The following CYLD variants were observed in gnomAD, a reference collection of about 807,000 sequenced individuals.
The protein encoded by CYLD is ubiquitin carboxyl-terminal hydrolase CYLD.
In CYLD, 26 loss-of-function variants were observed where a neutral mutation model predicts 104.5. The ratio of observed to expected loss-of-function variants is 0.25; its 90% confidence interval spans 0.18 to 0.35. The LOEUF (loss-of-function observed/expected upper bound fraction) is 0.35, where lower values mean the gene tolerates loss of function less well. CYLD is among the 10% of genes least tolerant of loss of function. CYLD has a pLI of 1.00. For missense variants in CYLD, 703 were observed against 1,136.1 expected (o/e 0.62, Z 5.48); for synonymous variants, 385 against 399.9 (o/e 0.96, Z 0.45).
In CYLD at chr16:50,754,280, C is replaced by A. The variant is rs183213172; in HGVS notation, c.808-39C>A. ...AATACAGACTTCCACATTTACATTTCATTGAGGAGGATTTTAATGTTTATT... is the reference window on the plus strand; with the variant it reads ...AATACAGACTTCCACATTTACATTTAATTGAGGAGGATTTTAATGTTTATT... On this transcript the variant is annotated intron_variant, in intron 4 of 18. Coordinates refer to ENST00000427738, the MANE Select transcript of CYLD (RefSeq NM_001378743.1). 4 of 1,301,282 alleles carry A rather than the reference C, an allele frequency of 3.1e-6. No individual in the cohort carries two copies. The East Asian group carries it at 9.3e-5, about 30-fold the overall frequency. The allele number at this position is 1,301,282 out of a possible 1,614,324, so 80.6% of individuals were successfully genotyped here.
At chr16:50,758,793 C>T (rs11862720) in intron 5 of CYLD, among the ~76,000 whole-genome samples, 1 of 151,748 alleles carries the variant, frequency 6.6e-6, no homozygotes, top group African/African-American at 2.4e-5. Flanking sequence ...GAGCATGCGT[C>T]GGGGAGTGGG....
rs1435788043 is a variant in CYLD, at chr16:50,751,601, T to C, written c.505-3T>C. ...TTTCTTTCCCTTCTCTCTTAAAAAC[T>C]AGGAAGAAGGTCGTGGTCAAGGTTT... On this transcript the variant is annotated splice_region_variant and splice_polypyrimidine_tract_variant and intron_variant, in intron 3 of 18. Coordinates refer to ENST00000427738, the MANE Select transcript of CYLD (RefSeq NM_001378743.1). 6.2e-7 allele frequency: 1 copy of C among 1,613,222 alleles called. No individual in the cohort carries two copies. Among genetic ancestry groups the C allele is most frequent in the African/African-American group, 1.3e-5 (1 of 75,000 alleles).
chr16:50,755,106 CACACAT>C (rs1966982721), intron 5 of CYLD, among the ~76,000 whole-genome samples: 2 of 41,382 alleles, frequency 4.8e-5, no homozygotes, highest in South Asian at 5.2e-4. Flanking sequence ...TACATATATA[CACACAT>C]ATACACATGT....
In CYLD at chr16:50,751,979, AACATATATATACAC is replaced by A. The variant is rs11271535; in HGVS notation, c.807+98_807+111del. 144,020 of 340,072 alleles carry A rather than the reference AACATATATATACAC, an allele frequency of 0.42. 38,155 individuals carry two copies. Among genetic ancestry groups the A allele is most frequent in the African/African-American group, 0.74 (31,606 of 42,768 alleles). The allele number at this position is 340,072 out of a possible 1,614,324, so 21.1% of individuals were successfully genotyped here. On this transcript the variant is annotated intron_variant, in intron 4 of 18. Coordinates refer to ENST00000427738, the MANE Select transcript of CYLD (RefSeq NM_001378743.1). The stretch of plus-strand genomic sequence containing the variant: ...ATATATATATGTATATATATATATA[AACATATATATACAC>A]ACATATATATACACACATATATATG...
At position 50,798,868 on chromosome 16, in the gene CYLD, G is replaced by A; in HGVS notation, c.*2360G>A. 4.3e-6 allele frequency: 1 copy of A among 233,410 alleles called. No individual in the cohort carries two copies. The highest frequency in any genetic ancestry group is 8.5e-6 in the Non-Finnish European group (1 of 118,050). 14.5% of individuals were successfully genotyped at this position (233,410 alleles called of 1,614,324 possible). The stretch of plus-strand genomic sequence containing the variant: ...TTTTAATGTTACTTGGGGAGGGAGT[G>A]CTCATTAAGGGATGCCAGGGCCAGC... On this transcript the variant is annotated 3_prime_UTR_variant, in exon 19 of 19. Transcript: ENST00000427738.
chr16:50,767,465 A>AT (rs1316823529), intron 5 of CYLD, among the ~76,000 whole-genome samples: 11 of 119,008 alleles, frequency 9.2e-5, no homozygotes, highest in African/African-American at 3.5e-4. Context: ...TGTGGGTTTC[A>AT]ATTTTTTTTT....
chr16:50,751,175 C>G (rs1409825160), intron 3 of CYLD, among the ~76,000 whole-genome samples: 3 of 152,178 alleles, frequency 2.0e-5, no homozygotes, highest in Non-Finnish European at 4.4e-5. Context: ...CATTCTGCAT[C>G]CTTACCTGTA....
rs1441584777 is a variant in CYLD, at chr16:50,794,154, C to T, written c.2470-58C>T. 6.7e-7 allele frequency: 1 copy of T among 1,489,656 alleles called. No homozygotes were observed. The highest frequency in any genetic ancestry group is 9.4e-7 in the Non-Finnish European group (1 of 1,068,720). The allele number at this position is 1,489,656 out of a possible 1,614,324, so 92.3% of individuals were successfully genotyped here. A position where few individuals can be genotyped will look rare whatever the true frequency, so the allele number is the denominator to read the frequency against. ...TCTTGATCAGGCTGGTCTTGAACTC[C>T]TGACCTCGTGATCCACCAGCCTCGG... On this transcript the variant is annotated intron_variant, in intron 17 of 18. Coordinates refer to ENST00000427738, the MANE Select transcript of CYLD (RefSeq NM_001378743.1). This position sits in a 1 kb window ranked among gnomAD's most constrained non-coding sequence, Gnocchi z 4.1.
At chr16:50,781,539 T>A (rs1284615124) in intron 10 of CYLD, 128 bp downstream of exon 10, 6 of 1,202,136 alleles carry the variant, frequency 5.0e-6, no homozygotes, top group Admixed American at 2.0e-5. Flanking sequence ...AAGCTTTAAA[T>A]CAGTAAAAAT....
intron 2 of CYLD, among the ~76,000 whole-genome samples, chr16:50,745,694 A>G (rs1290985858): frequency 6.6e-6 from 1 of 152,020 alleles, no homozygotes; most frequent in Non-Finnish European, 1.5e-5. Flanking sequence ...TGCTGGGATT[A>G]CAGGAGTGAG....
In CYLD at chr16:50,796,887, G is replaced by T; in HGVS notation, c.*379G>T. On this transcript the variant is annotated 3_prime_UTR_variant, in exon 19 of 19. Coordinates refer to ENST00000427738, the MANE Select transcript of CYLD (RefSeq NM_001378743.1). ...TAAATGTGTCTTCTTTATGGACCAA[G>T]GATATGAAATCATTTTTCTTTTGTA... 2 of 322,840 alleles carry T rather than the reference G, an allele frequency of 6.2e-6. No individual in the cohort carries two copies. The highest frequency in any genetic ancestry group is 4.8e-5 in the South Asian group (1 of 20,730). The allele number at this position is 322,840 out of a possible 1,614,324, so 20.0% of individuals were successfully genotyped here.
intron 16 of CYLD, 61 bp from the exon 17 acceptor site, chr16:50,793,485 C>T (rs1231505548): frequency 8.9e-7 from 1 of 1,121,974 alleles, no homozygotes; most frequent in Admixed American, 1.7e-5. Flanking sequence ...ACATCTTCTT[C>T]ATGAAAGAAT....
intron 2 of CYLD, among the ~76,000 whole-genome samples, chr16:50,747,587 A>C (rs948251357): frequency 6.6e-6 from 1 of 152,230 alleles, no homozygotes; most frequent in East Asian, 1.9e-4. Flanking sequence ...AAGAACCAAC[A>C]CTTCAGTTTG....
In CYLD at chr16:50,782,485, C is replaced by A; in HGVS notation, c.1826+19C>A. On this transcript the variant is annotated intron_variant, in intron 11 of 18. Coordinates refer to ENST00000427738, the MANE Select transcript of CYLD (RefSeq NM_001378743.1). ...TATTCTGGTAAGTTTAAAAAGAATG[C>A]AATAGGTATAGATAGTGCCATGAGG... 2 of 1,612,476 alleles carry A rather than the reference C, an allele frequency of 1.2e-6. No individual in the cohort carries two copies. The highest frequency in any genetic ancestry group is 1.7e-6 in the Non-Finnish European group (2 of 1,178,742).
chr16:50,762,814 A>G (rs1379449815), intron 5 of CYLD, among the ~76,000 whole-genome samples: 1 of 152,236 alleles, frequency 6.6e-6, no homozygotes, highest in Non-Finnish European at 1.5e-5. Flanking sequence ...ATTATAAAGC[A>G]TATTTTCTAA....
rs773256996 is a variant in CYLD at position 50,777,890 on chromosome 16, G to C, written c.1087G>C (p.Val363Leu). 9 of 1,609,296 alleles carry C rather than the reference G, an allele frequency of 5.6e-6. No individual in the cohort carries two copies. The South Asian group carries it at 8.8e-5, about 16-fold the overall frequency. ...ELFYTLNGSS[V>L]DSQPQSKSKN... is the part of the protein sequence containing the mutation. Reference sequence around the variant, plus strand: ...ATTTTATACCTTAAATGGGTCTTCTGTTGACTCACAACCACAATCCAAATC... The same window carrying C: ...ATTTTATACCTTAAATGGGTCTTCTCTTGACTCACAACCACAATCCAAATC... The change falls in exon 8 of 19, where the codon GTT (valine) becomes CTT (leucine). Residue 363 changes from valine (V) to leucine (L), a missense_variant. By Grantham distance (32) the Val-to-Leu change is conservative. Around this residue, in one of 5 missense-constraint regions of CYLD, gnomAD observed 183 missense variants for 212.1 expected, o/e 0.86. Coordinates refer to ENST00000427738, the MANE Select transcript of CYLD (RefSeq NM_001378743.1).
At position 50,779,969 on chromosome 16, in the gene CYLD, C is replaced by A; in HGVS notation, c.1443C>A (p.Asn481Lys). Residue 481 changes from asparagine (N) to lysine (K), a missense_variant, in exon 9 of 19, where the codon AAC becomes AAA. By Grantham distance (94) the Asn-to-Lys change is moderately conservative (BLOSUM62 0). This residue lies in a region of CYLD where 183 missense variants were observed against 212.1 expected (regional missense o/e 0.86). Transcript: ENST00000427738. ...EVGSLAEVKENPPFYGVIRWI... is the reference protein window; with the variant it reads ...EVGSLAEVKEKPPFYGVIRWI... ...GCTCATTGGCTGAAGTTAAGGAGAACCCTCCTTTCTATGGGGTAATCCGTT... is the reference window on the plus strand; with the variant it reads ...GCTCATTGGCTGAAGTTAAGGAGAAACCTCCTTTCTATGGGGTAATCCGTT... 4 of 1,614,060 alleles carry A rather than the reference C, an allele frequency of 2.5e-6. No homozygotes were observed. The highest frequency in any genetic ancestry group is 3.4e-6 in the Non-Finnish European group (4 of 1,179,954).
At chr16:50,784,651 A>G in intron 12 of CYLD, 200 bp downstream of exon 12, 1 of 540,024 alleles carries the variant, frequency 1.9e-6, no homozygotes, top group Non-Finnish European at 3.3e-6. Flanking sequence ...GCCAAGGTGT[A>G]GAACATAGCA....
intron 12 of CYLD, chr16:50,784,681 AC>A (rs1970626506): frequency 4.4e-6 from 2 of 456,942 alleles, no homozygotes; most frequent in Non-Finnish European, 7.9e-6. Flanking sequence ...AAATGATTTA[AC>A]CTATTTTGCT....
Sources: gnomAD v4.1 joint callset for allele counts (sites outside exome capture counted in the v4.1 genomes callset) on GRCh38, gnomAD v4.1.1 for gene constraint, gnomAD v4.1.1 regional missense constraint, Gnocchi (gnomAD v3.1) non-coding constraint, MANE v1.5 for transcripts, NCBI Gene and HGNC (gene_info 2026-07-23, HGNC 2026-07-21) for gene names.